ANO4: variants seen among roughly 807,000 people sequenced by gnomAD.
ANO4 encodes anoctamin 4.
A neutral mutation model predicts 141.9 loss-of-function variants in ANO4; 69 were observed. The observed-to-expected ratio is 0.49, with a 90% CI of 0.40 to 0.59. The LOEUF is 0.59. ANO4 is among the 20% of genes least tolerant of loss of function. ANO4 has a pLI of 0.00. For synonymous variants in ANO4, 350 were observed against 394.3 expected, an observed-to-expected ratio of 0.89 and a Z score of 1.33; for missense variants, 894 against 1,162.2, an observed-to-expected ratio of 0.77 and a Z score of 3.36.
chr12:100,882,318 C>T (rs985018663), intron 1 of ANO4, among the ~76,000 whole-genome samples: 11 of 152,166 alleles, frequency 7.2e-5, no homozygotes, highest in African/African-American at 1.7e-4. Context: ...GAACCATTAA[C>T]GTTTCTCAAT....
intron 5 of ANO4, among the ~76,000 whole-genome samples, chr12:100,955,458 A>G (rs1440143370): frequency 6.6e-6 from 1 of 152,168 alleles, no homozygotes; most frequent in Non-Finnish European, 1.5e-5. Context: ...GAACAAGGTA[A>G]AAGTGAACTT....
At chr12:100,857,226 CATATACAGA>C (rs2038221533) in intron 1 of ANO4, among the ~76,000 whole-genome samples, 1 of 152,204 alleles carries the variant, frequency 6.6e-6, no homozygotes, top group African/African-American at 2.4e-5. Context: ...GAAGCTTGAA[CATATACAGA>C]ATGCATTTAA....
chr12:101,049,315 C>G (rs2047761686), intron 14 of ANO4, among the ~76,000 whole-genome samples: 1 of 152,190 alleles, frequency 6.6e-6, no homozygotes, highest in South Asian at 2.1e-4. Flanking sequence ...TCTTCCCCAT[C>G]TTTCAGGCCC....
At chr12:101,090,777 G>T (rs2136922718) in intron 17 of ANO4, among the ~76,000 whole-genome samples, 1 of 152,172 alleles carries the variant, frequency 6.6e-6, no homozygotes, top group Admixed American at 6.5e-5. Context: ...CTATGTACAG[G>T]AAGTGAATCT....
At chr12:100,975,402 CTTTTTTCTT>C (rs2044125860) in intron 7 of ANO4, among the ~76,000 whole-genome samples, 2 of 149,338 alleles carry the variant, frequency 1.3e-5, no homozygotes. Context: ...CTTTCTTTTT[CTTTTTTCTT>C]TTTCTTTCTT....
At chr12:100,942,261 G>C in intron 4 of ANO4, 116 bp from the exon 5 acceptor site, 3 of 1,201,196 alleles carry the variant, frequency 2.5e-6, no homozygotes, top group Non-Finnish European at 3.5e-6. Context: ...TTACAGGCAT[G>C]AGCCACCGCA....
intron 14 of ANO4, among the ~76,000 whole-genome samples, chr12:101,055,153 A>C (rs1166740333): frequency 6.6e-6 from 1 of 152,212 alleles, no homozygotes; most frequent in African/African-American, 2.4e-5. Context: ...TTGTTTTTGT[A>C]AATTTTCATA....
At chr12:101,106,516 A>T (rs1033511632) in intron 22 of ANO4, among the ~76,000 whole-genome samples, 34 of 151,128 alleles carry the variant, frequency 2.2e-4, no homozygotes, top group African/African-American at 8.3e-4. Flanking sequence ...AATTATTTAC[A>T]TGATATATGC....
chr12:100,828,671 C>T (rs977414637), intron 1 of ANO4, among the ~76,000 whole-genome samples: 4 of 151,846 alleles, frequency 2.6e-5, no homozygotes, highest in African/African-American at 9.7e-5. Context: ...AGGAGGTAAG[C>T]AGGAATCAGA....
In ANO4 at chr12:100,896,935, A is replaced by C. The variant is rs560457701; in HGVS notation, c.-140-4711A>C. Among the ~76,000 whole-genome samples, 8 of 152,214 alleles carry C rather than the reference A, an allele frequency of 5.3e-5. No individual in the cohort carries two copies. In the South Asian group the frequency reaches 1.0e-3, roughly 20 times the overall value. ...CAGATATAAACTCAATTCTCACAAA[A>C]CCCTATCAGGTATGAATTATTGTTA... On this transcript the variant is annotated intron_variant, in intron 1 of 27. Coordinates refer to ENST00000392977, the MANE Select transcript of ANO4 (RefSeq NM_001286615.2).
chr12:100,919,839 A>T (rs898239819), intron 2 of ANO4, among the ~76,000 whole-genome samples: 2 of 151,588 alleles, frequency 1.3e-5, no homozygotes, highest in South Asian at 2.1e-4. Context: ...ATAAACGAGC[A>T]TTTTCCCACA....
At chr12:101,026,260 C>T (rs2046730288) in intron 9 of ANO4, among the ~76,000 whole-genome samples, 2 of 152,062 alleles carry the variant, frequency 1.3e-5, no homozygotes, top group Non-Finnish European at 2.9e-5. Context: ...ATTTTAAAAA[C>T]CAAATCACTT....
intron 3 of ANO4, among the ~76,000 whole-genome samples, chr12:100,750,251 C>T (rs747778146): frequency 4.0e-5 from 6 of 151,664 alleles, no homozygotes; most frequent in Non-Finnish European, 7.4e-5. Flanking sequence ...TGTGCCTCAG[C>T]GTCCCAAGTA....
chr12:101,001,797 C>G (rs2045654116), intron 8 of ANO4, among the ~76,000 whole-genome samples: 1 of 152,158 alleles, frequency 6.6e-6, no homozygotes. Context: ...AGGAGTGGCA[C>G]TGGGGAGAAG....
chr12:100,873,050 T>C (rs2039112732), intron 1 of ANO4, among the ~76,000 whole-genome samples: 1 of 152,338 alleles, frequency 6.6e-6, no homozygotes, highest in Middle Eastern at 3.4e-3. Flanking sequence ...CCATGCCTGC[T>C]TCCCTTTTGC....
rs1169346271 is a variant in ANO4, at chr12:100,901,686, A to C, written c.-100A>C. The C allele has an allele frequency of 9.6e-7, 1 of 1,039,402 alleles. No individual in the cohort carries two copies. The highest frequency in any genetic ancestry group is 1.3e-5 in the South Asian group (1 of 79,392). The allele number at this position is 1,039,402 out of a possible 1,614,324, so 64.4% of individuals were successfully genotyped here. ...TTCATGGGGCTGAAAAGCGTTTGCA[A>C]ATCCATCAACGGCGAAGTGTGGCAA... On this transcript the variant is annotated 5_prime_UTR_variant, in exon 2 of 28. Transcript: ENST00000392977.
chr12:101,071,597 A>T (rs1390672306), intron 14 of ANO4, among the ~76,000 whole-genome samples: 3 of 152,096 alleles, frequency 2.0e-5, no homozygotes, highest in Non-Finnish European at 4.4e-5. Flanking sequence ...TGAGTACAAA[A>T]AGAAATAGAA....
chr12:100,892,723 G>A (rs1049157669), intron 1 of ANO4, among the ~76,000 whole-genome samples: 2 of 151,670 alleles, frequency 1.3e-5, no homozygotes, highest in African/African-American at 2.4e-5. Flanking sequence ...TAAATGATAT[G>A]TAAATAGTTG....
At chr12:100,846,791 C>A (rs938258967) in intron 1 of ANO4, among the ~76,000 whole-genome samples, 2 of 152,064 alleles carry the variant, frequency 1.3e-5, no homozygotes, top group African/African-American at 4.8e-5. Context: ...CTTTGCCAAC[C>A]CATAATGATT....
Sources: allele counts gnomAD v4.1 joint callset (sites outside exome capture counted in the v4.1 genomes callset), GRCh38; gene constraint gnomAD v4.1.1; transcripts MANE v1.5; gene names NCBI Gene and HGNC (gene_info 2026-07-23, HGNC 2026-07-21).